The following NTN4 variants were observed in gnomAD, a reference collection of about 807,000 sequenced individuals.
NTN4 encodes the protein netrin-4.
In NTN4, 32 loss-of-function variants were observed where a neutral mutation model predicts 73.6. The ratio of observed to expected loss-of-function variants is 0.44; its 90% CI spans 0.33 to 0.58. The LOEUF (loss-of-function observed/expected upper bound fraction) is 0.58, where lower values mean the gene tolerates loss of function less well. Ranked by LOEUF, NTN4 falls within the 20% of genes least tolerant of loss-of-function variation. The pLI is 0.04. For missense variants in NTN4, 654 were observed against 798.3 expected (o/e 0.82, Z 2.18); for synonymous variants, 258 against 287.5 (o/e 0.90, Z 1.04).
intron 2 of NTN4, among the ~76,000 whole-genome samples, chr12:95,766,054 A>G (rs1391178091): frequency 6.6e-6 from 1 of 152,186 alleles, no homozygotes; most frequent in Non-Finnish European, 1.5e-5. Flanking sequence ...AATGTCACCC[A>G]TTAATACAGA....
intron 2 of NTN4, among the ~76,000 whole-genome samples, chr12:95,769,091 G>A (rs758960156): frequency 1.5e-4 from 23 of 152,162 alleles, no homozygotes; most frequent in African/African-American, 9.7e-5. Flanking sequence ...GAAAGAGAGC[G>A]GAAGGGAAGA....
intron 2 of NTN4, among the ~76,000 whole-genome samples, chr12:95,767,194 C>G (rs2079026314): frequency 6.6e-6 from 1 of 152,080 alleles, no homozygotes; most frequent in African/African-American, 2.4e-5. Flanking sequence ...TCCAACCACT[C>G]TCAGGATTGG....
chr12:95,732,247 TCTTTCTTTCTCTC>T (rs949316365), intron 3 of NTN4, among the ~76,000 whole-genome samples: 17 of 151,348 alleles, frequency 1.1e-4, no homozygotes, highest in African/African-American at 2.2e-4. Context: ...TCTCTGTCTT[TCTTTCTTTCTCTC>T]CTTTCTTTCT....
At chr12:95,766,152 A>G (rs947786446) in intron 2 of NTN4, among the ~76,000 whole-genome samples, 7 of 152,200 alleles carry the variant, frequency 4.6e-5, no homozygotes, top group African/African-American at 1.7e-4. Context: ...TTCAGTGGCT[A>G]AAAAGGGTGC....
chr12:95,750,085 C>T (rs956687517), intron 2 of NTN4, among the ~76,000 whole-genome samples: 2 of 152,060 alleles, frequency 1.3e-5, no homozygotes, highest in African/African-American at 4.8e-5. Flanking sequence ...ACCCCAACCT[C>T]GTATCTCTGC....
At chr12:95,696,930 G>A (rs569516730) in intron 5 of NTN4, among the ~76,000 whole-genome samples, 70 of 152,178 alleles carry the variant, frequency 4.6e-4, no homozygotes, top group Non-Finnish European at 8.1e-4. Context: ...AGTACTTTGG[G>A]AGGTTGAGGC....
At chr12:95,786,742 G>T (rs545016943) in intron 2 of NTN4, among the ~76,000 whole-genome samples, 197 bp downstream of exon 2, 30 of 152,196 alleles carry the variant, frequency 2.0e-4, no homozygotes, top group Non-Finnish European at 3.2e-4. Flanking sequence ...CTTAAACCCA[G>T]CCAGTGGGCA....
chr12:95,773,818 T>C (rs538603528), intron 2 of NTN4, among the ~76,000 whole-genome samples: 195 of 152,142 alleles, frequency 1.3e-3, no homozygotes, highest in Non-Finnish European at 2.4e-3. Flanking sequence ...TAAAATATGA[T>C]GCAAGGTGAA....
chr12:95,764,659 C>T (rs1174648263), intron 2 of NTN4, among the ~76,000 whole-genome samples: 2 of 145,468 alleles, frequency 1.4e-5, no homozygotes, highest in Admixed American at 7.0e-5. Flanking sequence ...AGCGAGACTC[C>T]ATCCCCCCGC....
At chr12:95,741,133 C>T (rs1382868507) in intron 2 of NTN4, among the ~76,000 whole-genome samples, 1 of 151,922 alleles carries the variant, frequency 6.6e-6, no homozygotes, top group Non-Finnish European at 1.5e-5. Context: ...CAGGGAACAA[C>T]CTTGTAGCTA....
At chr12:95,729,863 T>C (rs1034043833) in intron 3 of NTN4, among the ~76,000 whole-genome samples, 3 of 152,196 alleles carry the variant, frequency 2.0e-5, no homozygotes, top group Admixed American at 6.5e-5. Flanking sequence ...AGAAGTCAGA[T>C]ATCTATCAGT....
Position 95,717,026 on chromosome 12 carries a change from T to C in NTN4, c.865-3688A>G, listed in dbSNP as rs148644287. Among the ~76,000 whole-genome samples, 1,085 of 152,192 alleles carry C rather than the reference T, an allele frequency of 7.1e-3. 16 individuals are homozygous for C. Among genetic ancestry groups the C allele is most frequent in the African/African-American group, 0.024 (1,014 of 41,522 alleles). On this transcript the variant is annotated intron_variant, in intron 3 of 9. Transcript: ENST00000343702. ...GGTTTCACTACATTGCCCAGGCTGG[T>C]CTCCAATTCCTAGGCTCAAGTGATC...
chr12:95,752,684 C>T (rs1365203151), intron 2 of NTN4, among the ~76,000 whole-genome samples: 2 of 152,194 alleles, frequency 1.3e-5, no homozygotes, highest in South Asian at 2.1e-4. Flanking sequence ...AAAACAACAA[C>T]TCCTTTCCTT....
chr12:95,729,630 A>AGTGT (rs1254954346), intron 3 of NTN4, among the ~76,000 whole-genome samples: 10 of 91,764 alleles, frequency 1.1e-4, no homozygotes, highest in African/African-American at 2.9e-4. Flanking sequence ...AGAGAGAGAG[A>AGTGT]GAGTGTGTGT....
intron 9 of NTN4, among the ~76,000 whole-genome samples, chr12:95,663,066 G>A (rs2078150879): frequency 6.6e-6 from 1 of 151,992 alleles, no homozygotes; most frequent in Non-Finnish European, 1.5e-5. Context: ...GCTGCAGTGA[G>A]CAGTGATAGT....
At chr12:95,752,795 C>A (rs1355512356) in intron 2 of NTN4, among the ~76,000 whole-genome samples, 1 of 152,202 alleles carries the variant, frequency 6.6e-6, no homozygotes, top group African/African-American at 2.4e-5. Context: ...TTTAGCCTAG[C>A]CCTCATGTCT....
chr12:95,764,339 G>T (rs2079006571), intron 2 of NTN4, among the ~76,000 whole-genome samples: 1 of 152,206 alleles, frequency 6.6e-6, no homozygotes, highest in South Asian at 2.1e-4. Context: ...GCATCTAGAA[G>T]TAGCTAACTG....
At chr12:95,749,166 CT>C (rs1170872688) in intron 2 of NTN4, among the ~76,000 whole-genome samples, 2 of 152,184 alleles carry the variant, frequency 1.3e-5, no homozygotes, top group African/African-American at 2.4e-5. Context: ...GGCCCCACCC[CT>C]ATCTCCCTTC....
chr12:95,753,570 C>T (rs1407713916), intron 2 of NTN4, among the ~76,000 whole-genome samples: 3 of 148,838 alleles, frequency 2.0e-5, no homozygotes, highest in South Asian at 2.2e-4. Context: ...GATAACAGAC[C>T]AGCCTTTATT....
Sources: gnomAD v4.1 joint callset for allele counts (sites outside exome capture counted in the v4.1 genomes callset) on GRCh38, gnomAD v4.1.1 for gene constraint, MANE v1.5 for transcripts, NCBI Gene and HGNC (gene_info 2026-07-23, HGNC 2026-07-21) for gene names.